Variants in RSPH9 observed in about 807,000 individuals in gnomAD.
RSPH9 encodes radial spoke head protein 9 homolog.
A neutral mutation model predicts 27.0 loss-of-function variants in RSPH9; 27 were observed. The observed-to-expected ratio is 1.00, with a 90% confidence interval of 0.74 to 1.38. RSPH9 has a LOEUF of 1.38. Among genes scored for constraint, RSPH9 ranks in the 40% most tolerant of loss-of-function variants. RSPH9 has a pLI of 0.00. For synonymous variants in RSPH9, 145 were observed against 147.7 expected (o/e 0.98, Z 0.13); for missense variants, 347 against 357.4 (o/e 0.97, Z 0.24).
intron 4 of RSPH9, among the ~76,000 whole-genome samples, chr6:43,669,362 G>A (rs1039046243): frequency 5.3e-5 from 8 of 152,220 alleles, no homozygotes; most frequent in Admixed American, 6.5e-5. Context: ...CTGGGCAGGC[G>A]GCTGCACCCT....
Position 43,661,037 on chromosome 6 carries a change from G to A in RSPH9, c.670+4314G>A, listed in dbSNP as rs887835453. On this transcript the variant is annotated intron_variant, in intron 4 of 4. Coordinates refer to ENST00000372163, the MANE Select transcript of RSPH9 (RefSeq NM_152732.5). The stretch of plus-strand genomic sequence containing the variant: ...TCCATCAGAGCACAACATTAATCTC[G>A]TTGTACATCTCAATCAGGTGCATTG... Among the ~76,000 whole-genome samples the A allele has an allele frequency of 2.0e-4, 31 of 152,230 alleles. No homozygotes were observed. The East Asian group carries it at 2.3e-3, about 11-fold the overall frequency.
intron 4 of RSPH9, among the ~76,000 whole-genome samples, chr6:43,659,732 T>G (rs948393493): frequency 2.1e-4 from 32 of 150,642 alleles, no homozygotes; most frequent in Admixed American, 1.3e-3. Context: ...TTTTTATTTA[T>G]TATTATTATT....
chr6:43,653,446 CAAAAA>C (rs79873267), intron 2 of RSPH9, among the ~76,000 whole-genome samples: 1 of 75,460 alleles, frequency 1.3e-5, no homozygotes. Context: ...GACTCCGTCT[CAAAAA>C]AAAAAAAAAA....
At chr6:43,666,936 G>C (rs545859305) in intron 4 of RSPH9, among the ~76,000 whole-genome samples, 7 of 152,222 alleles carry the variant, frequency 4.6e-5, no homozygotes, top group African/African-American at 1.7e-4. Flanking sequence ...CAGAGATGAG[G>C]TTTCACCATG....
rs1772548306 is a variant in RSPH9, at chr6:43,660,923, GATCC to G, written c.670+4203_670+4206del. Among the ~76,000 whole-genome samples the G allele has an allele frequency of 2.6e-5, 4 of 152,288 alleles. No homozygotes were observed. The South Asian group carries it at 6.2e-4, about 24-fold the overall frequency. On this transcript the variant is annotated intron_variant, in intron 4 of 4. Transcript: ENST00000372163. ...GACTTGAAAAGTGAAGTCACTCCTT[GATCC>G]ATGGCTGCAGGATGGATGTTGTGTT...
Position 43,645,276 on chromosome 6 carries a change from G to T in RSPH9, c.178G>T (p.Ala60Ser). 1 of 1,613,960 alleles carries T rather than the reference G, an allele frequency of 6.2e-7. No homozygotes were observed. Among genetic ancestry groups the T allele is most frequent in the Non-Finnish European group, 8.5e-7 (1 of 1,180,000 alleles). The change falls in exon 1 of 5, where the codon GCG becomes TCG. Residue 60 changes from alanine to serine, a missense_variant. Transcript: ENST00000372163. ...ILGLVADYYI[A>S]QGLSEDQLAP... ...TGGCCTCGTCGCCGATTACTACATC[G>T]CGCAGGGCCTGAGTGAGGACCAGCT...
chr6:43,670,094 A>G (rs960840869), intron 4 of RSPH9, among the ~76,000 whole-genome samples: 20 of 152,340 alleles, frequency 1.3e-4, no homozygotes, highest in African/African-American at 4.1e-4. Context: ...GGCAAACCAC[A>G]CTAGAACTGG....
At chr6:43,664,666 A>G (rs1195311767) in intron 4 of RSPH9, among the ~76,000 whole-genome samples, 1 of 152,238 alleles carries the variant, frequency 6.6e-6, no homozygotes, top group Non-Finnish European at 1.5e-5. Context: ...GGCTTCCATC[A>G]TACAGGAACA....
At chr6:43,653,154 T>C (rs975633947) in intron 2 of RSPH9, among the ~76,000 whole-genome samples, 2 of 152,034 alleles carry the variant, frequency 1.3e-5, no homozygotes, top group African/African-American at 4.8e-5. Context: ...AACAGTACCA[T>C]AATAAATGAC....
chr6:43,655,524 A>C, intron 2 of RSPH9, 38 bp from the exon 3 acceptor site: 2 of 1,613,034 alleles, frequency 1.2e-6, no homozygotes, highest in East Asian at 2.2e-5. Flanking sequence ...GCCTGGGCAC[A>C]GTGCCCTGGC....
Position 43,656,626 on chromosome 6 carries a change from G to GGAGC in RSPH9, c.574_577dup (p.Pro193ArgfsTer4), listed in dbSNP as rs1772074487. ...AGCTCAGCTCCTACTTCCATTTCAGGGAGCCTGTTGAGCTAAAGAATAAGA... is the reference window on the plus strand; with the variant it reads ...AGCTCAGCTCCTACTTCCATTTCAGGGAGCGAGCCTGTTGAGCTAAAGAATAAGA... On this transcript the variant is annotated frameshift_variant, in exon 4 of 5. Coordinates refer to ENST00000372163, the MANE Select transcript of RSPH9 (RefSeq NM_152732.5). LOFTEE classifies it high-confidence loss of function. 6.2e-7 allele frequency: 1 copy of GGAGC among 1,614,126 alleles called. No individual in the cohort carries two copies. The highest frequency in any genetic ancestry group is 1.7e-4 in the Middle Eastern group (1 of 6,060).
At chr6:43,662,933 C>T (rs1350452045) in intron 4 of RSPH9, among the ~76,000 whole-genome samples, 1 of 151,824 alleles carries the variant, frequency 6.6e-6, no homozygotes, top group African/African-American at 2.4e-5. Context: ...AGGAGTGCAA[C>T]AGCACACGCA....
In RSPH9 at chr6:43,671,588, T is replaced by C; in HGVS notation, c.*639T>C. The C allele has an allele frequency of 1.4e-6, 1 of 708,882 alleles. No individual in the cohort carries two copies. The highest frequency in any genetic ancestry group is 1.8e-5 in the African/African-American group (1 of 56,206). The allele number at this position is 708,882 out of a possible 1,614,324, so 43.9% of individuals were successfully genotyped here. ...TGCCTCTAGCTCCCAGCATTGCTACTGTGCAGGCCAAGGGTACTGAAGTTA... is the reference window on the plus strand; with the variant it reads ...TGCCTCTAGCTCCCAGCATTGCTACCGTGCAGGCCAAGGGTACTGAAGTTA... On this transcript the variant is annotated 3_prime_UTR_variant, in exon 5 of 5. Coordinates refer to ENST00000372163, the MANE Select transcript of RSPH9 (RefSeq NM_152732.5).
intron 2 of RSPH9, among the ~76,000 whole-genome samples, chr6:43,654,256 G>A (rs1271481579): frequency 6.6e-6 from 1 of 152,168 alleles, no homozygotes; most frequent in African/African-American, 2.4e-5. Context: ...CTTTTGTTCA[G>A]AGTTGCCCTA....
In RSPH9 at chr6:43,670,981, A is replaced by G; in HGVS notation, c.*32A>G. On this transcript the variant is annotated 3_prime_UTR_variant, in exon 5 of 5. Coordinates refer to ENST00000372163, the MANE Select transcript of RSPH9 (RefSeq NM_152732.5). Reference sequence around the variant, plus strand: ...AGCCAGCCTGGATGTTTTTAAACAGAGTCTAAACATGATTTTCTTAAGCTT... The same window carrying G: ...AGCCAGCCTGGATGTTTTTAAACAGGGTCTAAACATGATTTTCTTAAGCTT... 1.9e-6 allele frequency: 3 copies of G among 1,613,682 alleles called. No individual in the cohort carries two copies. Among genetic ancestry groups the G allele is most frequent in the Non-Finnish European group, 2.5e-6 (3 of 1,179,838 alleles).
intron 4 of RSPH9, among the ~76,000 whole-genome samples, chr6:43,664,651 A>G (rs1459476187): frequency 6.6e-6 from 1 of 152,190 alleles, no homozygotes; most frequent in African/African-American, 2.4e-5. Context: ...AGGAGTGGCC[A>G]TTTGGGCTTC....
intron 4 of RSPH9, among the ~76,000 whole-genome samples, chr6:43,660,440 G>T (rs1262880169): frequency 6.6e-6 from 1 of 151,860 alleles, no homozygotes; most frequent in Non-Finnish European, 1.5e-5. Flanking sequence ...CCTCCCATGA[G>T]TCATGCATAT....
chr6:43,653,625 G>A (rs535334815), intron 2 of RSPH9, among the ~76,000 whole-genome samples: 1 of 152,240 alleles, frequency 6.6e-6, no homozygotes, highest in East Asian at 1.9e-4. Flanking sequence ...GATGCCGAAA[G>A]TCTGAGTCTA....
At chr6:43,656,121 T>C (rs78354095) in intron 3 of RSPH9, among the ~76,000 whole-genome samples, 17,114 of 141,412 alleles carry the variant, frequency 0.12, 1,860 homozygotes, top group African/African-American at 0.27. Context: ...GTTTTGCTCT[T>C]GTCATCCAGG....
Sources: gnomAD v4.1 joint callset for allele counts (sites outside exome capture counted in the v4.1 genomes callset) on GRCh38, gnomAD v4.1.1 for gene constraint, MANE v1.5 for transcripts, NCBI Gene and HGNC (gene_info 2026-07-23, HGNC 2026-07-21) for gene names.